SRP72: variants seen among roughly 807,000 people sequenced by gnomAD.
SRP72 encodes the protein signal recognition particle 72.
In SRP72, 49 loss-of-function variants were observed where a neutral mutation model predicts 96.3. That is an observed-to-expected ratio of 0.51 (90% CI 0.40 to 0.65). SRP72 has a LOEUF of 0.65. Ranked by LOEUF, SRP72 falls within the 30% of genes least tolerant of loss-of-function variation. SRP72 has a pLI of 0.00. For missense variants in SRP72, 736 were observed against 793.3 expected, an observed-to-expected ratio of 0.93 and a Z score of 0.87; for synonymous variants, 267 against 275.2, an observed-to-expected ratio of 0.97 and a Z score of 0.30.
intron 16 of SRP72, 115 bp from the exon 17 acceptor site, chr4:56,495,242 C>G: frequency 1.9e-6 from 1 of 538,908 alleles, no homozygotes; most frequent in Non-Finnish European, 3.1e-6. Flanking sequence ...AAGCTGATAC[C>G]AAGTCTTAAA....
intron 1 of SRP72, 72 bp from the exon 2 acceptor site, chr4:56,469,581 G>C: frequency 9.8e-6 from 14 of 1,422,040 alleles, no homozygotes; most frequent in Non-Finnish European, 1.3e-5. Flanking sequence ...GGAGAGACAG[G>C]GTGGGAAAAT....
rs1466062096 is a variant in SRP72 at position 56,481,053 on chromosome 4, A to G, written c.826-2086A>G. On this transcript the variant is annotated intron_variant, in intron 8 of 18. Transcript: ENST00000642900. ...GGGCCTTGGAAATCAAGTTTAAGAA[A>G]AGTCTGGCAGTGACGTGCACAATTA... Among the ~76,000 whole-genome samples the G allele has an allele frequency of 2.0e-5, 3 of 152,220 alleles. No individual in the cohort carries two copies. The South Asian group carries it at 6.2e-4, about 32-fold the overall frequency.
At chr4:56,494,251 G>A (rs760709682) in intron 16 of SRP72, among the ~76,000 whole-genome samples, 12 of 152,068 alleles carry the variant, frequency 7.9e-5, no homozygotes, top group East Asian at 1.9e-4. Flanking sequence ...CTGAGAGAAC[G>A]TTCACAATTG....
Position 56,471,751 on chromosome 4 carries a change from G to C in SRP72, c.262G>C (p.Glu88Gln). ...NSLSFEKAYC[E>Q]YRLNRIENAL... ...TCTCTCCTTTGAAAAGGCATATTGC[G>C]AGTACAGGCTGAACAGAATTGAGAA... The change falls in exon 3 of 19, where the codon GAG becomes CAG. Residue 88 changes from glutamate to glutamine, a missense_variant. Transcript: ENST00000642900. 1 of 1,613,560 alleles carries C rather than the reference G, an allele frequency of 6.2e-7. No individual in the cohort carries two copies. The highest frequency in any genetic ancestry group is 2.2e-5 in the East Asian group (1 of 44,816).
In SRP72 at chr4:56,471,959, C is replaced by T. The variant is rs563575805; in HGVS notation, c.354+116C>T. On this transcript the variant is annotated intron_variant, in intron 3 of 18. Coordinates refer to ENST00000642900, the MANE Select transcript of SRP72 (RefSeq NM_006947.4). Reference sequence around the variant, plus strand: ...TCCTGATGCTCCACAAAACTGACCACCAAACCAGTCCTTAAGGTTTGAACA... The same window carrying T: ...TCCTGATGCTCCACAAAACTGACCATCAAACCAGTCCTTAAGGTTTGAACA... 2.5e-4 allele frequency: 298 copies of T among 1,199,426 alleles called. 1 individual carries two copies. The highest frequency in any genetic ancestry group is 2.4e-3 in the Middle Eastern group (12 of 4,998). 74.3% of individuals were successfully genotyped at this position (1,199,426 alleles called of 1,614,324 possible).
intron 8 of SRP72, among the ~76,000 whole-genome samples, chr4:56,481,825 G>T (rs1305192514): frequency 6.8e-6 from 1 of 146,798 alleles, no homozygotes; most frequent in Non-Finnish European, 1.5e-5. Flanking sequence ...AGGCTGGAGT[G>T]CAGTGGTGGG....
chr4:56,486,855 C>T (rs1313360878), intron 11 of SRP72, among the ~76,000 whole-genome samples: 1 of 152,182 alleles, frequency 6.6e-6, no homozygotes, highest in Non-Finnish European at 1.5e-5. Context: ...TAGAATTTAA[C>T]GAGAACTGAT....
In SRP72 at chr4:56,484,785, A is replaced by C; in HGVS notation, c.1007A>C (p.Glu336Ala). ...GCCAGTTTACAGTCCCAAAGTCCCGAGCATCTCTTACCTGTGTTAATCCAA... is the reference window on the plus strand; with the variant it reads ...GCCAGTTTACAGTCCCAAAGTCCCGCGCATCTCTTACCTGTGTTAATCCAA... ...ISASLQSQSP[E>A]HLLPVLIQAA... The change falls in exon 10 of 19, where the codon GAG becomes GCG. Residue 336 changes from glutamate (E) to alanine (A), a missense_variant. Around this residue, in one of 3 missense-constraint regions of SRP72, gnomAD observed 388 missense variants for 431.8 expected, o/e 0.90. Transcript: ENST00000642900. 1 of 1,614,172 alleles carries C rather than the reference A, an allele frequency of 6.2e-7. No individual in the cohort carries two copies.
intron 9 of SRP72, 57 bp from the exon 10 acceptor site, chr4:56,484,679 T>C: frequency 6.2e-7 from 1 of 1,601,434 alleles, no homozygotes; most frequent in South Asian, 1.1e-5. Flanking sequence ...TCTGGTCATT[T>C]AGTGTTTAAT....
rs561628382 is a variant in SRP72, at chr4:56,476,626, G to T, written c.611-45G>T. On this transcript the variant is annotated intron_variant, in intron 5 of 18. Coordinates refer to ENST00000642900, the MANE Select transcript of SRP72 (RefSeq NM_006947.4). ...CTCTTTGGAATAGTGAAAGAAATGGGATTTACCCAGCAATACTACTTTTAA... is the reference window on the plus strand; with the variant it reads ...CTCTTTGGAATAGTGAAAGAAATGGTATTTACCCAGCAATACTACTTTTAA... The T allele has an allele frequency of 1.7e-5, 27 of 1,601,114 alleles. No individual in the cohort carries two copies. The South Asian group carries it at 2.8e-4, about 16-fold the overall frequency.
intron 16 of SRP72, among the ~76,000 whole-genome samples, chr4:56,494,230 T>C (rs538848490): frequency 6.6e-6 from 1 of 152,282 alleles, no homozygotes; most frequent in Admixed American, 6.5e-5. Flanking sequence ...GCATTTCTTA[T>C]TTGGGGTATC....
At position 56,483,236 on chromosome 4, in the gene SRP72, T is replaced by G; in HGVS notation, c.923T>G (p.Phe308Cys). ...LSKKQLQAIE[F>C]NKALLAMYTN... ...AAGAAACAACTACAAGCTATAGAAT[T>G]TAACAAAGCTTTACTTGCTATGTAC... is the stretch of plus-strand genomic sequence containing the variant. The change falls in exon 9 of 19, where the codon TTT becomes TGT. Residue 308 changes from phenylalanine to cysteine, a missense_variant. Transcript: ENST00000642900. 4 of 1,612,852 alleles carry G rather than the reference T, an allele frequency of 2.5e-6. No individual in the cohort carries two copies. Among genetic ancestry groups the G allele is most frequent in the Non-Finnish European group, 3.4e-6 (4 of 1,179,750 alleles).
At chr4:56,486,078 A>G (rs1045033899) in intron 10 of SRP72, 13 of 395,050 alleles carry the variant, frequency 3.3e-5, no homozygotes, top group Middle Eastern at 7.1e-4. Flanking sequence ...TGGCTGAGGG[A>G]TGATGGATTT....
chr4:56,493,711 C>A (rs1414725639), intron 16 of SRP72, among the ~76,000 whole-genome samples: 1 of 151,976 alleles, frequency 6.6e-6, no homozygotes, highest in Non-Finnish European at 1.5e-5. Context: ...ACTAAAAATA[C>A]AAAAATTAGC....
rs887823894 is a variant in SRP72 at position 56,491,559 on chromosome 4, A to T, written c.1631A>T (p.Lys544Met). The change falls in exon 16 of 19, where the codon AAG (lysine) becomes ATG (methionine). Residue 544 changes from lysine (K) to methionine (M), a missense_variant. Coordinates refer to ENST00000642900, the MANE Select transcript of SRP72 (RefSeq NM_006947.4). ...AAAGTTACTGGAGATAGTCAACCAAAGGAACAAGGGTAATATTTTTCATTG... is the reference window on the plus strand; with the variant it reads ...AAAGTTACTGGAGATAGTCAACCAATGGAACAAGGGTAATATTTTTCATTG... Reference protein sequence around the residue: ...GGKVTGDSQPKEQGQGDLKKK... With the variant: ...GGKVTGDSQPMEQGQGDLKKK... 1.7e-5 allele frequency: 28 copies of T among 1,613,826 alleles called. No homozygotes were observed. Among genetic ancestry groups the T allele is most frequent in the Non-Finnish European group, 1.9e-5 (23 of 1,179,828 alleles).
At chr4:56,493,709 T>C (rs1052832889) in intron 16 of SRP72, among the ~76,000 whole-genome samples, 1 of 151,946 alleles carries the variant, frequency 6.6e-6, no homozygotes, top group African/African-American at 2.4e-5. Context: ...CTACTAAAAA[T>C]ACAAAAATTA....
chr4:56,497,232 T>A (rs1006854929), intron 17 of SRP72, among the ~76,000 whole-genome samples: 38 of 151,214 alleles, frequency 2.5e-4, no homozygotes, highest in Non-Finnish European at 4.1e-4. Context: ...TTATTTTTTT[T>A]TTTTTGAGAC....
chr4:56,489,351 A>AG, intron 12 of SRP72, 37 bp from the exon 13 acceptor site: 1 of 1,240,720 alleles, frequency 8.1e-7, no homozygotes, highest in Non-Finnish European at 1.1e-6. Flanking sequence ...CTGGGAGTGA[A>AG]GGGGGAGTTC....
chr4:56,478,458 G>T lies in SRP72; in HGVS notation c.722G>T (p.Arg241Leu). The T allele has an allele frequency of 6.2e-7, 1 of 1,613,882 alleles. No individual in the cohort carries two copies. The highest frequency in any genetic ancestry group is 2.2e-5 in the East Asian group (1 of 44,868). Residue 241 changes from arginine to leucine, a missense_variant, in exon 7 of 19, where the codon CGA becomes CTA. Around this residue, in one of 3 missense-constraint regions of SRP72, gnomAD observed 329 missense variants for 319.0 expected, o/e 1.03. Transcript: ENST00000642900. ...QMAYILQLQG[R>L]TEEALQLYNQ... ...GCTTATATTCTGCAGCTTCAGGGTC[G>T]AACAGAGGAGGCTTTGCAACTTTAC...
Sources: allele counts gnomAD v4.1 joint callset (sites outside exome capture counted in the v4.1 genomes callset), GRCh38; gene constraint gnomAD v4.1.1; regional missense constraint gnomAD v4.1.1; transcripts MANE v1.5; gene names NCBI Gene and HGNC (gene_info 2026-07-23, HGNC 2026-07-21).